Variants in LIPC observed in about 807,000 individuals in gnomAD.
LIPC encodes the protein lipase C, hepatic type, also known as hepatic triacylglycerol lipase.
A neutral mutation model predicts 50.7 loss-of-function variants in LIPC; 44 were observed. That is an observed-to-expected ratio of 0.87 (90% confidence interval 0.68 to 1.11). The LOEUF (loss-of-function observed/expected upper bound fraction) is 1.11, where lower values mean the gene tolerates loss of function less well. Among genes scored for constraint, LIPC ranks in the 50% most tolerant of loss-of-function variants. The pLI, the probability that LIPC is intolerant of heterozygous loss-of-function variation, is 0.00. For missense variants in LIPC, 697 were observed against 648.2 expected (o/e 1.08, Z -0.82); for synonymous variants, 271 against 256.4 (o/e 1.06, Z -0.54).
chr15:58,433,486 C>T (rs916746785), intron 1 of LIPC, among the ~76,000 whole-genome samples: 1 of 152,182 alleles, frequency 6.6e-6, no homozygotes, highest in East Asian at 1.9e-4. Context: ...TGGCTTCTTT[C>T]GTTCGACATT....
intron 1 of LIPC, among the ~76,000 whole-genome samples, chr15:58,476,522 G>C (rs1595881925): frequency 1.3e-5 from 2 of 152,218 alleles, no homozygotes; most frequent in East Asian, 3.8e-4. Flanking sequence ...GGAAACTGAA[G>C]CCAACACCAT....
intron 1 of LIPC, among the ~76,000 whole-genome samples, chr15:58,446,420 C>T (rs185039835): frequency 6.6e-6 from 1 of 152,152 alleles, no homozygotes; most frequent in African/African-American, 2.4e-5. Flanking sequence ...TAATTTTATA[C>T]TATCCAATAT....
intron 1 of LIPC, among the ~76,000 whole-genome samples, chr15:58,505,070 G>T (rs141405670): frequency 1.3e-5 from 2 of 152,374 alleles, no homozygotes; most frequent in Non-Finnish European, 1.5e-5. Context: ...ATTCCCTTAT[G>T]CTAGACAGCA....
chr15:58,546,527 C>T (rs185647525), intron 5 of LIPC, among the ~76,000 whole-genome samples: 6 of 152,334 alleles, frequency 3.9e-5, no homozygotes, highest in East Asian at 3.9e-4. Flanking sequence ...AGGGCAGACA[C>T]GGAATGTGCT....
intron 1 of LIPC, among the ~76,000 whole-genome samples, chr15:58,520,370 C>A (rs1205512106): frequency 6.6e-6 from 1 of 152,066 alleles, no homozygotes; most frequent in Non-Finnish European, 1.5e-5. Context: ...CCTTGGGATG[C>A]TAGAGCACAA....
intron 1 of LIPC, among the ~76,000 whole-genome samples, chr15:58,487,471 T>C (rs939114319): frequency 1.3e-5 from 2 of 152,246 alleles, no homozygotes; most frequent in Non-Finnish European, 2.9e-5. Context: ...GTAGCTAATC[T>C]GGGCATTCCA....
At chr15:58,488,651 A>T (rs1473900850) in intron 1 of LIPC, among the ~76,000 whole-genome samples, 1 of 152,240 alleles carries the variant, frequency 6.6e-6, no homozygotes, top group African/African-American at 2.4e-5. Context: ...GGCATGGGGC[A>T]TTCAGCACAA....
At chr15:58,526,659 G>T (rs1286332205) in intron 1 of LIPC, among the ~76,000 whole-genome samples, 1 of 152,222 alleles carries the variant, frequency 6.6e-6, no homozygotes, top group East Asian at 1.9e-4. Context: ...CAAATAGGCT[G>T]GCAAAGACCT....
intron 1 of LIPC, among the ~76,000 whole-genome samples, chr15:58,506,664 C>A (rs1892158400): frequency 6.6e-6 from 1 of 152,198 alleles, no homozygotes; most frequent in Admixed American, 6.5e-5. Context: ...CCAGTATTCT[C>A]CCTGAAGACA....
intron 1 of LIPC, among the ~76,000 whole-genome samples, chr15:58,449,971 GA>G (rs1893843845): frequency 6.6e-6 from 1 of 152,118 alleles, no homozygotes; most frequent in Admixed American, 6.5e-5. Flanking sequence ...CGAGGCTCTG[GA>G]ACAAAGACCA....
intron 1 of LIPC, chr15:58,522,503 G>C (rs539654312): frequency 6.5e-6 from 1 of 152,790 alleles, no homozygotes; most frequent in Non-Finnish European, 1.5e-5. Context: ...CGAAGGCCCC[G>C]GGCTCACCTC....
intron 1 of LIPC, among the ~76,000 whole-genome samples, chr15:58,504,406 T>C (rs1025038068): frequency 2.6e-5 from 4 of 152,240 alleles, no homozygotes; most frequent in Non-Finnish European, 4.4e-5. Context: ...AGTGACTCTT[T>C]AAGCCGAATC....
intron 5 of LIPC, 142 bp from the exon 6 acceptor site, chr15:58,548,188 A>G: frequency 1.9e-6 from 2 of 1,025,990 alleles, no homozygotes; most frequent in East Asian, 4.8e-5. Context: ...GCTCTTGTCA[A>G]GGGGTCTGCC....
At chr15:58,555,486 TAGAA>T (rs1197689982) in intron 6 of LIPC, among the ~76,000 whole-genome samples, 10 of 152,170 alleles carry the variant, frequency 6.6e-5, no homozygotes, top group Non-Finnish European at 1.0e-4. Context: ...GCAGGCGATA[TAGAA>T]AGAGTCTTTT....
At chr15:58,449,583 C>T (rs1893829859) in intron 1 of LIPC, among the ~76,000 whole-genome samples, 1 of 151,274 alleles carries the variant, frequency 6.6e-6, no homozygotes, top group African/African-American at 2.4e-5. Context: ...GACAGAGTCT[C>T]ACTCTGTCAA....
intron 6 of LIPC, among the ~76,000 whole-genome samples, chr15:58,552,387 CG>C (rs1159498857): frequency 2.0e-5 from 3 of 152,222 alleles, no homozygotes; most frequent in African/African-American, 7.2e-5. Context: ...TTGGCCTCGG[CG>C]TAGGACCAAG....
chr15:58,519,187 T>A (rs1199446856), intron 1 of LIPC, among the ~76,000 whole-genome samples: 3 of 151,982 alleles, frequency 2.0e-5, no homozygotes, highest in African/African-American at 7.3e-5. Flanking sequence ...GGCAGGCAGA[T>A]CACGAGGTCA....
At chr15:58,543,163 A>G (rs1250407666) in intron 4 of LIPC, among the ~76,000 whole-genome samples, 1 of 152,218 alleles carries the variant, frequency 6.6e-6, no homozygotes, top group South Asian at 2.1e-4. Context: ...ATGGCCCAAG[A>G]TATCCAGGAA....
At position 58,505,574 on chromosome 15, in the gene LIPC, A is replaced by G. The variant is rs183700946; in HGVS notation, c.89-32759A>G. On this transcript the variant is annotated intron_variant, in intron 1 of 8. Transcript: ENST00000299022. ...AAGATAGACTGTTCAGATGATACTC[A>G]TCTAATGCCATTGGCAGCTCCTCTC... Among the ~76,000 whole-genome samples the G allele has an allele frequency of 2.6e-5, 4 of 152,302 alleles. No individual in the cohort carries two copies. In the East Asian group the frequency reaches 5.8e-4, roughly 22 times the overall value.
Sources: allele counts gnomAD v4.1 joint callset (sites outside exome capture counted in the v4.1 genomes callset), GRCh38; gene constraint gnomAD v4.1.1; transcripts MANE v1.5; gene names NCBI Gene and HGNC (gene_info 2026-07-23, HGNC 2026-07-21).